The following AQP1 variants were observed in gnomAD, a reference collection of about 807,000 sequenced individuals.
AQP1 encodes the protein aquaporin 1 (Colton blood group).
In AQP1, 11 loss-of-function variants were observed where a neutral mutation model predicts 19.7. The ratio of observed to expected loss-of-function variants is 0.56; its 90% CI spans 0.35 to 0.92. The LOEUF is 0.92. AQP1 is among the 40% of genes least tolerant of loss of function. The pLI, the probability that AQP1 is intolerant of heterozygous loss-of-function variation, is 0.01. For missense variants in AQP1, 320 were observed against 369.7 expected (o/e 0.87, Z 1.10); for synonymous variants, 159 against 166.7 (o/e 0.95, Z 0.36).
chr7:30,914,418 C>T (rs1584380592), intron 1 of AQP1, among the ~76,000 whole-genome samples: 1 of 152,236 alleles, frequency 6.6e-6, no homozygotes, highest in South Asian at 2.1e-4. Context: ...ACCCATCCCA[C>T]GAAAGCTGGC....
At chr7:30,921,671 C>T (rs1791503492) in intron 1 of AQP1, 2 of 1,551,000 alleles carry the variant, frequency 1.3e-6, no homozygotes, top group African/African-American at 2.7e-5. Flanking sequence ...TTTTGCATCT[C>T]TTCTCCTAGG....
At chr7:30,921,827 G>T (rs956450047) in intron 1 of AQP1, 1 of 1,549,698 alleles carries the variant, frequency 6.5e-7, no homozygotes, top group Admixed American at 2.0e-5. Flanking sequence ...AGTGGGGCCT[G>T]GGTCTAGGCA....
chr7:30,921,366 G>T (rs1791494279), intron 1 of AQP1: 2 of 1,385,344 alleles, frequency 1.4e-6, no homozygotes, highest in Admixed American at 6.0e-5. Flanking sequence ...CAGGCAGAGG[G>T]AGGGTGAGGC....
Position 30,912,310 on chromosome 7 carries a change from T to C in AQP1, c.384+17T>C, listed in dbSNP as rs752537488. ...CGCAATGACGTGAGTGGGGTGTCCC[T>C]GGGCTTGGGGGGGTTCTAGAATGAT... is the stretch of plus-strand genomic sequence containing the variant. On this transcript the variant is annotated intron_variant, in intron 1 of 3. Coordinates refer to ENST00000311813, the MANE Select transcript of AQP1 (RefSeq NM_198098.4). This position sits in a 1 kb window ranked among gnomAD's most constrained non-coding sequence, Gnocchi z 4.3. 3 of 1,597,118 alleles carry C rather than the reference T, an allele frequency of 1.9e-6. No individual in the cohort carries two copies. Among genetic ancestry groups the C allele is most frequent in the Non-Finnish European group, 1.7e-6 (2 of 1,177,942 alleles).
Position 30,924,212 on chromosome 7 carries a change from A to C in AQP1, c.*583A>C. The stretch of plus-strand genomic sequence containing the variant: ...TCGTCCCTATATCAGGGCCTGAGTG[A>C]CCTCCTTCTGCAAAGTGGCAGGGAC... On this transcript the variant is annotated 3_prime_UTR_variant, in exon 4 of 4. Transcript: ENST00000311813. 1 of 862,262 alleles carries C rather than the reference A, an allele frequency of 1.2e-6. No individual in the cohort carries two copies. The allele number at this position is 862,262 out of a possible 1,614,324, so 53.4% of individuals were successfully genotyped here.
In AQP1 at chr7:30,924,237, C is replaced by A. The variant is rs533939937; in HGVS notation, c.*608C>A. ...ACCTCCTTCTGCAAAGTGGCAGGGA[C>A]CGGCAGAGCTCTACAGGCCTGCAGC... On this transcript the variant is annotated 3_prime_UTR_variant, in exon 4 of 4. Coordinates refer to ENST00000311813, the MANE Select transcript of AQP1 (RefSeq NM_198098.4). 8 of 633,026 alleles carry A rather than the reference C, an allele frequency of 1.3e-5. No individual in the cohort carries two copies. In the East Asian group the frequency reaches 5.4e-4, roughly 43 times the overall value. The allele number at this position is 633,026 out of a possible 1,614,324, so 39.2% of individuals were successfully genotyped here.
At chr7:30,915,622 G>A (rs1011229619) in intron 1 of AQP1, among the ~76,000 whole-genome samples, 5 of 152,142 alleles carry the variant, frequency 3.3e-5, no homozygotes, top group Non-Finnish European at 4.4e-5. Context: ...GATTCCCAGA[G>A]CCTGTGATTT....
At chr7:30,916,163 CT>C (rs1791346004) in intron 1 of AQP1, among the ~76,000 whole-genome samples, 1 of 152,200 alleles carries the variant, frequency 6.6e-6, no homozygotes, top group African/African-American at 2.4e-5. Flanking sequence ...GCCCTGGGAA[CT>C]CTGAAGGGGC....
intron 1 of AQP1, among the ~76,000 whole-genome samples, chr7:30,916,489 G>A (rs531005424): frequency 1.3e-5 from 2 of 152,230 alleles, no homozygotes; most frequent in African/African-American, 4.8e-5. Context: ...TGCTGTCCGC[G>A]AGGCCCTGCA....
rs1402213104 is a variant in AQP1 at position 30,912,122 on chromosome 7, C to T, written c.213C>T (p.Ser71=). The T allele has an allele frequency of 8.1e-6, 13 of 1,613,034 alleles. No homozygotes were observed. The highest frequency in any genetic ancestry group is 4.0e-5 in the African/African-American group (3 of 74,942). ...TGGCGCAGAGTGTGGGCCACATCAG[C>T]GGCGCCCACCTCAACCCGGCTGTCA... is the stretch of plus-strand genomic sequence containing the variant. The part of the protein sequence containing the change: ...ATLAQSVGHI[S]GAHLNPAVTL... The change falls in exon 1 of 4, where the codon AGC becomes AGT. Residue 71 remains serine, a synonymous_variant. Coordinates refer to ENST00000311813, the MANE Select transcript of AQP1 (RefSeq NM_198098.4). The surrounding 1 kb of genome is among the most constrained non-coding windows in gnomAD (Gnocchi z 4.3).
Position 30,923,658 on chromosome 7 carries a change from G to A in AQP1, c.*29G>A. The A allele has an allele frequency of 1.3e-6, 2 of 1,576,442 alleles. No homozygotes were observed. The highest frequency in any genetic ancestry group is 1.7e-6 in the Non-Finnish European group (2 of 1,162,386). On this transcript the variant is annotated 3_prime_UTR_variant, in exon 4 of 4. Transcript: ENST00000311813. The surrounding 1 kb of genome is among the most constrained non-coding windows in gnomAD (Gnocchi z 4.8). The stretch of plus-strand genomic sequence containing the variant: ...GGGTCTGGCCCGGGCATCCACGTAG[G>A]GGGCAGGGGCAGGGGCGGGCGGAGG...
Position 30,912,182 on chromosome 7 carries a change from C to A in AQP1, c.273C>A (p.Ile91=), listed in dbSNP as rs772776753. Residue 91 remains isoleucine (I), a synonymous_variant, in exon 1 of 4, where the codon ATC becomes ATA. Coordinates refer to ENST00000311813, the MANE Select transcript of AQP1 (RefSeq NM_198098.4). The surrounding 1 kb of genome is among the most constrained non-coding windows in gnomAD (Gnocchi z 4.3). ...TGCTGCTCAGCTGCCAGATCAGCAT[C>A]TTCCGTGCCCTCATGTACATCATCG... The part of the protein sequence containing the change: ...LGLLLSCQIS[I]FRALMYIIAQ... 1 of 1,612,678 alleles carries A rather than the reference C, an allele frequency of 6.2e-7. No homozygotes were observed. Among genetic ancestry groups the A allele is most frequent in the Non-Finnish European group, 8.5e-7 (1 of 1,180,038 alleles).
intron 1 of AQP1, among the ~76,000 whole-genome samples, chr7:30,915,674 G>A (rs1035693839): frequency 9.9e-5 from 15 of 152,168 alleles, no homozygotes; most frequent in African/African-American, 3.1e-4. Context: ...TACCCTCTTC[G>A]GGGTCTTCTC....
intron 1 of AQP1, among the ~76,000 whole-genome samples, chr7:30,915,507 C>T (rs1240092666): frequency 6.6e-6 from 1 of 151,984 alleles, no homozygotes; most frequent in African/African-American, 2.4e-5. Flanking sequence ...AGGTGAGGGC[C>T]GTGGTACGGG....
chr7:30,916,906 G>A (rs1791370795), intron 1 of AQP1, among the ~76,000 whole-genome samples: 2 of 152,066 alleles, frequency 1.3e-5, no homozygotes, highest in Non-Finnish European at 2.9e-5. Flanking sequence ...AGTCTATGCG[G>A]GGGTCCAGTG....
At chr7:30,921,498 G>A (rs974939860) in intron 1 of AQP1, 47 of 1,492,760 alleles carry the variant, frequency 3.1e-5, no homozygotes, top group East Asian at 1.5e-4. Flanking sequence ...GAGAGAGGGT[G>A]GAGACAATAG....
chr7:30,918,017 C>T (rs1380500509), intron 1 of AQP1, among the ~76,000 whole-genome samples: 25 of 148,424 alleles, frequency 1.7e-4, no homozygotes, highest in East Asian at 5.9e-4. Flanking sequence ...TTTTTTGAGA[C>T]GGAGTCTCAC....
At position 30,912,227 on chromosome 7, in the gene AQP1, C is replaced by G; in HGVS notation, c.318C>G (p.Ile106Met). 6.2e-7 allele frequency: 1 copy of G among 1,609,532 alleles called. No homozygotes were observed. Among genetic ancestry groups the G allele is most frequent in the Non-Finnish European group, 8.5e-7 (1 of 1,179,988 alleles). Reference protein sequence around the residue: ...MYIIAQCVGAIVATAILSGIT... With the variant: ...MYIIAQCVGAMVATAILSGIT... Reference sequence around the variant, plus strand: ...TCATCGCCCAGTGCGTGGGGGCCATCGTCGCCACCGCCATCCTCTCAGGCA... The same window carrying G: ...TCATCGCCCAGTGCGTGGGGGCCATGGTCGCCACCGCCATCCTCTCAGGCA... Residue 106 changes from isoleucine to methionine, a missense_variant, in exon 1 of 4, where the codon ATC becomes ATG. Physicochemically the swap from Ile to Met is conservative, Grantham distance 10 (BLOSUM62 1). Transcript: ENST00000311813. This position sits in a 1 kb window ranked among gnomAD's most constrained non-coding sequence, Gnocchi z 4.3.
intron 2 of AQP1, 103 bp downstream of exon 2, chr7:30,922,333 C>A: frequency 6.8e-7 from 1 of 1,477,466 alleles, no homozygotes. Context: ...AGGGCTCTTG[C>A]CATTGGGTGG....
Sources: gnomAD v4.1 joint callset for allele counts (sites outside exome capture counted in the v4.1 genomes callset) on GRCh38, gnomAD v4.1.1 for gene constraint, Gnocchi (gnomAD v3.1) non-coding constraint, MANE v1.5 for transcripts, NCBI Gene and HGNC (gene_info 2026-07-23, HGNC 2026-07-21) for gene names.